Variants in NBEAL1 observed in about 807,000 individuals in gnomAD.
The protein encoded by NBEAL1 is neurobeachin-like protein 1.
Under a neutral mutation model 351.3 loss-of-function variants are expected in NBEAL1, and 273 were observed. The ratio of observed to expected loss-of-function variants is 0.78; its 90% CI spans 0.70 to 0.86. The LOEUF is 0.86. Ranked by LOEUF, NBEAL1 falls within the 40% of genes least tolerant of loss-of-function variation. The pLI, the probability that NBEAL1 is intolerant of heterozygous loss-of-function variation, is 0.00. For synonymous variants in NBEAL1, 1,050 were observed against 1,086.4 expected, an observed-to-expected ratio of 0.97 and a Z score of 0.66; for missense variants, 2,961 against 3,201.3, an observed-to-expected ratio of 0.92 and a Z score of 1.81.
intron 4 of NBEAL1, among the ~76,000 whole-genome samples, chr2:203,053,812 C>T (rs942221485): frequency 2.0e-5 from 3 of 152,050 alleles, no homozygotes; most frequent in African/African-American, 4.8e-5. Context: ...GCCACTGTGT[C>T]TGGCAGGTAT....
Position 203,113,060 on chromosome 2 carries a change from A to G in NBEAL1, c.2248A>G (p.Thr750Ala). The change falls in exon 17 of 56, where the codon ACT becomes GCT. Residue 750 changes from threonine (T) to alanine (A), a missense_variant. By Grantham distance (58) the Thr-to-Ala change is moderately conservative. Coordinates refer to ENST00000683969, the MANE Select transcript of NBEAL1 (RefSeq NM_001378026.1). ...CIGSAGQRTT[T>A]PPPSQIPDPP... ...TGGTTCAGCTGGGCAAAGAACCACCACTCCTCCACCATCCCAAATCCCAGA... is the reference window on the plus strand; with the variant it reads ...TGGTTCAGCTGGGCAAAGAACCACCGCTCCTCCACCATCCCAAATCCCAGA... 5.2e-6 allele frequency: 8 copies of G among 1,532,622 alleles called. No homozygotes were observed. Among genetic ancestry groups the G allele is most frequent in the South Asian group, 1.2e-5 (1 of 80,398 alleles). The allele number at this position is 1,532,622 out of a possible 1,614,324, so 94.9% of individuals were successfully genotyped here. A position where few individuals can be genotyped will look rare whatever the true frequency, so the allele number is the denominator to read the frequency against.
chr2:203,088,835 A>G (rs1278101123), intron 10 of NBEAL1, among the ~76,000 whole-genome samples: 1 of 152,176 alleles, frequency 6.6e-6, no homozygotes, highest in Admixed American at 6.5e-5. Flanking sequence ...GACTTGGGAG[A>G]TTGGGAACAA....
At chr2:203,042,579 CTT>C (rs1284943940) in intron 3 of NBEAL1, among the ~76,000 whole-genome samples, 2 of 150,552 alleles carry the variant, frequency 1.3e-5, no homozygotes, top group Admixed American at 1.3e-4. Context: ...CTAATTAATG[CTT>C]GTTCTTTTTT....
chr2:203,147,194 A>C (rs2063535536), intron 33 of NBEAL1, among the ~76,000 whole-genome samples: 2 of 152,034 alleles, frequency 1.3e-5, no homozygotes, highest in Non-Finnish European at 2.9e-5. Flanking sequence ...ATATATAAAA[A>C]AGCATTCACA....
intron 10 of NBEAL1, among the ~76,000 whole-genome samples, chr2:203,093,230 TAAAAAAA>T (rs139917037): frequency 1.4e-3 from 70 of 49,896 alleles, no homozygotes; most frequent in African/African-American, 4.6e-3. Context: ...AGACTCTGTC[TAAAAAAA>T]AAAAAAAAAA....
chr2:203,166,005 C>T, intron 36 of NBEAL1, 144 bp from the exon 37 acceptor site: 1 of 634,038 alleles, frequency 1.6e-6, no homozygotes, highest in Non-Finnish European at 2.5e-6. Flanking sequence ...CGACATTGTG[C>T]CACTGCACTC....
intron 2 of NBEAL1, among the ~76,000 whole-genome samples, chr2:203,036,313 TTG>T (rs893801015): frequency 2.7e-5 from 4 of 149,236 alleles, no homozygotes; most frequent in African/African-American, 9.7e-5. Context: ...GTGGCTTTTT[TTG>T]TGTGTTAAAT....
chr2:203,085,759 C>T (rs1448334250), intron 10 of NBEAL1: 1 of 152,066 alleles, frequency 6.6e-6, no homozygotes, highest in African/African-American at 2.4e-5. Flanking sequence ...TAAATGGAAA[C>T]ATTGATAGCA....
intron 36 of NBEAL1, among the ~76,000 whole-genome samples, chr2:203,161,092 C>T (rs2106379513): frequency 6.6e-6 from 1 of 152,206 alleles, no homozygotes; most frequent in African/African-American, 2.4e-5. Flanking sequence ...CTTTGGGAGG[C>T]CGAGGCGGGT....
At chr2:203,173,602 A>T (rs144320072) in intron 41 of NBEAL1, among the ~76,000 whole-genome samples, 9 of 151,874 alleles carry the variant, frequency 5.9e-5, no homozygotes, top group Non-Finnish European at 1.2e-4. Context: ...ATTTGATTTG[A>T]CTTGATTTAC....
rs1200725226 is a variant in NBEAL1, at chr2:203,207,077, T to G, written c.7507-1560T>G. On this transcript the variant is annotated intron_variant, in intron 51 of 55. Coordinates refer to ENST00000683969, the MANE Select transcript of NBEAL1 (RefSeq NM_001378026.1). ...GGAGCGCCTCTGCCCTGTCGCCCCG[T>G]CCGGGATGTGAGGAGCGTCTCTGCC... Among the ~76,000 whole-genome samples the G allele has an allele frequency of 6.1e-5, 9 of 147,930 alleles. No homozygotes were observed. In the East Asian group the frequency reaches 1.8e-3, roughly 30 times the overall value.
rs928926482 is a variant in NBEAL1, at chr2:203,171,811, C to A, written c.6103-117C>A. 11 of 468,330 alleles carry A rather than the reference C, an allele frequency of 2.3e-5. No individual in the cohort carries two copies. In the African/African-American group the frequency reaches 2.5e-4, roughly 11 times the overall value. The allele number at this position is 468,330 out of a possible 1,614,324, so 29.0% of individuals were successfully genotyped here. A position where few individuals can be genotyped will look rare whatever the true frequency, so the allele number is the denominator to read the frequency against. ...TTAGGAAAAGTATATTGATTTATCT[C>A]CCTGTTGTACCTTTTTTTTTTTTTT... On this transcript the variant is annotated intron_variant, in intron 39 of 55. Coordinates refer to ENST00000683969, the MANE Select transcript of NBEAL1 (RefSeq NM_001378026.1).
Position 203,138,239 on chromosome 2 carries a change from C to T in NBEAL1, c.4643C>T (p.Ala1548Val). 4.3e-6 allele frequency: 7 copies of T among 1,614,018 alleles called. No homozygotes were observed. Among genetic ancestry groups the T allele is most frequent in the Non-Finnish European group, 5.9e-6 (7 of 1,179,916 alleles). The stretch of plus-strand genomic sequence containing the variant: ...ACTAATCCAGTAACTGCTGAAAACG[C>T]CTTCCGACTAGTGCTGATCATACAG... ...AKTNPVTAENAFRLVLIIQDF... is the reference protein window; with the variant it reads ...AKTNPVTAENVFRLVLIIQDF... Residue 1548 changes from alanine (A) to valine (V), a missense_variant, in exon 30 of 56, where the codon GCC becomes GTC. By Grantham distance (64) the Ala-to-Val change is moderately conservative. Transcript: ENST00000683969.
intron 10 of NBEAL1, among the ~76,000 whole-genome samples, chr2:203,090,480 T>G (rs772696005): frequency 6.6e-5 from 10 of 152,196 alleles, no homozygotes; most frequent in Non-Finnish European, 8.8e-5. Context: ...AAGGTAAAGC[T>G]TATTTTTTCA....
Position 203,149,114 on chromosome 2 carries a change from T to C in NBEAL1, c.5428T>C (p.Tyr1810His). Reference sequence around the variant, plus strand: ...TAGACGCTGGAAAGCAATACAGCTCTATCTTACATGTGAAAGGGGACCTTG... The same window carrying C: ...TAGACGCTGGAAAGCAATACAGCTCCATCTTACATGTGAAAGGGGACCTTG... ...TLRRWKAIQL[Y>H]LTCERGPWAK... The change falls in exon 34 of 56, where the codon TAT (tyrosine) becomes CAT (histidine). Residue 1810 changes from tyrosine to histidine, a missense_variant. Coordinates refer to ENST00000683969, the MANE Select transcript of NBEAL1 (RefSeq NM_001378026.1). 7 of 1,606,648 alleles carry C rather than the reference T, an allele frequency of 4.4e-6. No homozygotes were observed. The highest frequency in any genetic ancestry group is 3.4e-6 in the Non-Finnish European group (4 of 1,175,572).
At chr2:203,180,780 T>C (rs1426835226) in intron 43 of NBEAL1, among the ~76,000 whole-genome samples, 2 of 152,056 alleles carry the variant, frequency 1.3e-5, no homozygotes, top group Non-Finnish European at 2.9e-5. Flanking sequence ...GACCATATGC[T>C]ATTTCAGCTA....
chr2:203,204,222 C>T (rs2065484989), intron 51 of NBEAL1, among the ~76,000 whole-genome samples: 6 of 149,096 alleles, frequency 4.0e-5, no homozygotes. Context: ...CCACCGCACC[C>T]GGCCCCATAC....
intron 47 of NBEAL1, 27 bp downstream of exon 47, chr2:203,193,938 A>C: frequency 7.7e-7 from 1 of 1,291,096 alleles, no homozygotes; most frequent in Non-Finnish European, 1.1e-6. Context: ...TAATATCAAA[A>C]AGAGTTTTCT....
chr2:203,080,701 C>T (rs371274836), intron 8 of NBEAL1, among the ~76,000 whole-genome samples: 1 of 152,014 alleles, frequency 6.6e-6, no homozygotes, highest in East Asian at 1.9e-4. Context: ...TCCTCTTCAC[C>T]CTAGTAGAAG....
Sources: gnomAD v4.1 joint callset for allele counts (sites outside exome capture counted in the v4.1 genomes callset) on GRCh38, gnomAD v4.1.1 for gene constraint, MANE v1.5 for transcripts, NCBI Gene and HGNC (gene_info 2026-07-23, HGNC 2026-07-21) for gene names.